The following NLRP8 variants were observed in gnomAD, a reference collection of about 807,000 sequenced individuals.
The protein encoded by NLRP8 is NACHT, LRR and PYD domains-containing protein 8.
NLRP8 carries 86 observed loss-of-function variants against 88.7 expected under a neutral mutation model. The observed-to-expected ratio is 0.97, with a 90% CI of 0.81 to 1.16. The LOEUF (loss-of-function observed/expected upper bound fraction) is 1.16, where lower values mean the gene tolerates loss of function less well. NLRP8 is among the 50% of genes most tolerant of loss of function. The pLI is 0.00. For missense variants in NLRP8, 1,342 were observed against 1,286.5 expected (o/e 1.04, Z -0.66); for synonymous variants, 504 against 494.6 (o/e 1.02, Z -0.25).
At chr19:55,982,824 T>C (rs1447010658) in intron 9 of NLRP8, among the ~76,000 whole-genome samples, 1 of 152,188 alleles carries the variant, frequency 6.6e-6, no homozygotes, top group Non-Finnish European at 1.5e-5. Flanking sequence ...CGCATGCCTG[T>C]GGTCCCAGCT....
At chr19:55,969,847 C>T (rs1445266135) in intron 5 of NLRP8, among the ~76,000 whole-genome samples, 1 of 152,120 alleles carries the variant, frequency 6.6e-6, no homozygotes, top group African/African-American at 2.4e-5. Flanking sequence ...GTGGCTGGAA[C>T]CTGGAGGTGG....
chr19:55,955,917 C>G lies in NLRP8; in HGVS notation c.1859C>G (p.Ala620Gly). The change falls in exon 3 of 10, where the codon GCC (alanine) becomes GGC (glycine). Residue 620 changes from alanine (A) to glycine (G), a missense_variant. Coordinates refer to ENST00000291971, the MANE Select transcript of NLRP8 (RefSeq NM_176811.2). The stretch of plus-strand genomic sequence containing the variant: ...TGTCTGCATGAAATCCGGGAGGAAG[C>G]CTTTGTAAGCCAAGCCCTAAATGAT... The G allele has an allele frequency of 6.2e-7, 1 of 1,614,152 alleles. No individual in the cohort carries two copies. Among genetic ancestry groups the G allele is most frequent in the East Asian group, 2.2e-5 (1 of 44,880 alleles).
chr19:55,952,604 G>A lies in NLRP8; in HGVS notation c.434G>A (p.Gly145Glu). The A allele has an allele frequency of 6.2e-7, 1 of 1,613,804 alleles. No individual in the cohort carries two copies. Among genetic ancestry groups the A allele is most frequent in the Non-Finnish European group, 8.5e-7 (1 of 1,179,734 alleles). ...GAAACACAGGTGAATCTGGAGGAAG[G>A]AGAATCTGGTATGTGCCTGTATCAC... Residue 145 changes from glycine (G) to glutamate (E), a missense_variant, in exon 2 of 10, where the codon GGA (glycine) becomes GAA (glutamate). Transcript: ENST00000291971.
intron 3 of NLRP8, among the ~76,000 whole-genome samples, chr19:55,958,280 C>G (rs543334337): frequency 2.0e-5 from 3 of 152,332 alleles, no homozygotes; most frequent in African/African-American, 7.2e-5. Context: ...CTGCATAAGT[C>G]TTCAGCATAT....
chr19:55,975,788 G>A lies in NLRP8; in HGVS notation c.2706-345G>A, dbSNP rs112338878. 2.7e-3 allele frequency among the ~76,000 whole-genome samples: 414 copies of A among 152,308 alleles called. 3 individuals carry two copies. The highest frequency in any genetic ancestry group is 9.3e-3 in the African/African-American group (385 of 41,564). Reference sequence around the variant, plus strand: ...GGGTTGGGGTGGGTTGGGGGAGGAAGTGAGAAGTGGCTTCTAAAGTATCCA... The same window carrying A: ...GGGTTGGGGTGGGTTGGGGGAGGAAATGAGAAGTGGCTTCTAAAGTATCCA... On this transcript the variant is annotated intron_variant, in intron 7 of 9. Transcript: ENST00000291971.
chr19:55,971,414 C>G (rs1011833259), intron 6 of NLRP8, among the ~76,000 whole-genome samples: 2 of 132,036 alleles, frequency 1.5e-5, no homozygotes, highest in Non-Finnish European at 3.1e-5. Context: ...GCACTCCAGC[C>G]TGAATGACAG....
chr19:55,986,278 ACT>A (rs1249565640), intron 9 of NLRP8, among the ~76,000 whole-genome samples: 12 of 150,240 alleles, frequency 8.0e-5, no homozygotes, highest in East Asian at 5.9e-4. Context: ...CCCAACACAC[ACT>A]CACACTCACA....
Position 55,955,053 on chromosome 19 carries a change from T to C in NLRP8, c.995T>C (p.Ile332Thr), listed in dbSNP as rs1979273815. The C allele has an allele frequency of 1.2e-6, 2 of 1,614,098 alleles. No homozygotes were observed. Among genetic ancestry groups the C allele is most frequent in the Non-Finnish European group, 1.7e-6 (2 of 1,180,018 alleles). ...ATGCTTCCAGAGGCCACGCTACTGATCATGATAAGATTTACCTCTTGGCAG... is the reference window on the plus strand; with the variant it reads ...ATGCTTCCAGAGGCCACGCTACTGACCATGATAAGATTTACCTCTTGGCAG... The change falls in exon 3 of 10, where the codon ATC (isoleucine) becomes ACC (threonine). Residue 332 changes from isoleucine to threonine, a missense_variant. Transcript: ENST00000291971.
chr19:55,963,663 C>T (rs1176851361), intron 4 of NLRP8, among the ~76,000 whole-genome samples: 1 of 152,084 alleles, frequency 6.6e-6, no homozygotes, highest in Non-Finnish European at 1.5e-5. Flanking sequence ...AATCCTCCCA[C>T]CTCAGCCTCT....
In NLRP8 at chr19:55,970,556, CTTGGCCACCCCTAGAAT is replaced by C; in HGVS notation, c.2399_2415del (p.Ala800AspfsTer2). Reference sequence around the variant, plus strand: ...CTGGCTTCTACAGGTTGGAAGACTGCTTGGCCACCCCTAGAATTTGGACTGATCTTGGCAATAATCTT... The same window carrying C: ...CTGGCTTCTACAGGTTGGAAGACTGCTTGGACTGATCTTGGCAATAATCTT... On this transcript the variant is annotated frameshift_variant, in exon 6 of 10. Transcript: ENST00000291971. LOFTEE classifies it high-confidence loss of function. 3.1e-6 allele frequency: 5 copies of C among 1,613,978 alleles called. No individual in the cohort carries two copies. In the South Asian group the frequency reaches 4.4e-5, roughly 14 times the overall value.
intron 9 of NLRP8, among the ~76,000 whole-genome samples, chr19:55,987,125 T>G (rs1002686202): frequency 3.9e-5 from 6 of 152,168 alleles, no homozygotes; most frequent in Non-Finnish European, 8.8e-5. Context: ...TCCCAGCACT[T>G]TGGGAGGCCG....
intron 3 of NLRP8, among the ~76,000 whole-genome samples, chr19:55,956,569 A>G (rs1424992636): frequency 6.6e-6 from 1 of 151,940 alleles, no homozygotes. Context: ...AAACAAACAT[A>G]TATCTACGGT....
chr19:55,961,256 G>T (rs1430032586), intron 3 of NLRP8, among the ~76,000 whole-genome samples: 1 of 151,930 alleles, frequency 6.6e-6, no homozygotes. Flanking sequence ...GTGTATCTTG[G>T]TCAGCCTCTC....
intron 7 of NLRP8, 143 bp downstream of exon 7, chr19:55,973,965 C>T (rs1600312357): frequency 1.4e-6 from 1 of 709,758 alleles, no homozygotes; most frequent in Non-Finnish European, 2.1e-6. Flanking sequence ...AGGGGAAAAG[C>T]ACAATAAAGA....
chr19:55,980,276 C>T (rs117084723), intron 9 of NLRP8, among the ~76,000 whole-genome samples: 2 of 152,252 alleles, frequency 1.3e-5, no homozygotes, highest in African/African-American at 2.4e-5. Flanking sequence ...AAAGAAAAGT[C>T]GCACATACGG....
intron 3 of NLRP8, among the ~76,000 whole-genome samples, chr19:55,956,413 T>G (rs1979359486): frequency 6.6e-6 from 1 of 152,032 alleles, no homozygotes; most frequent in African/African-American, 2.4e-5. Context: ...CCGGCTAATT[T>G]TGGCATTTTT....
intron 3 of NLRP8, among the ~76,000 whole-genome samples, chr19:55,958,683 C>A (rs528326337): frequency 6.6e-6 from 1 of 152,134 alleles, no homozygotes; most frequent in Non-Finnish European, 1.5e-5. Flanking sequence ...AAAAATTTGC[C>A]AACCCCTGCT....
Position 55,976,240 on chromosome 19 carries a change from A to T in NLRP8, c.2813A>T (p.Asp938Val). The change falls in exon 8 of 10, where the codon GAT becomes GTT. Residue 938 changes from aspartate to valine, a missense_variant. Transcript: ENST00000291971. Reference sequence around the variant, plus strand: ...GACCTAAGTTTTAATAGCCTGAAGGATGATGGGGTGATCCTGCTGTGTGAG... The same window carrying T: ...GACCTAAGTTTTAATAGCCTGAAGGTTGATGGGGTGATCCTGCTGTGTGAG... 2 of 1,613,844 alleles carry T rather than the reference A, an allele frequency of 1.2e-6. No homozygotes were observed. The highest frequency in any genetic ancestry group is 1.7e-6 in the Non-Finnish European group (2 of 1,179,946).
Position 55,967,583 on chromosome 19 carries a change from T to C in NLRP8, c.2381+1203T>C, listed in dbSNP as rs141504135. ...TTGTGTATATGTACCACATTTTCTT[T>C]ATCCATTTGTCTGTTGATGGACACT... On this transcript the variant is annotated intron_variant, in intron 5 of 9. Transcript: ENST00000291971. 3.7e-3 allele frequency among the ~76,000 whole-genome samples: 556 copies of C among 152,236 alleles called. 3 individuals are homozygous for C. Among genetic ancestry groups the C allele is most frequent in the African/African-American group, 0.013 (521 of 41,560 alleles).
Sources: gnomAD v4.1 joint callset for allele counts (sites outside exome capture counted in the v4.1 genomes callset) on GRCh38, gnomAD v4.1.1 for gene constraint, MANE v1.5 for transcripts, NCBI Gene and HGNC (gene_info 2026-07-23, HGNC 2026-07-21) for gene names.